Variants in UST observed in about 807,000 individuals in gnomAD.
UST encodes the protein chondroitin sulfate 2-O-sulfotransferase.
UST carries 21 observed loss-of-function variants against 45.6 expected under a neutral mutation model. The observed-to-expected ratio is 0.46, with a 90% CI of 0.33 to 0.66. The LOEUF is 0.66. Ranked by LOEUF, UST falls within the 30% of genes least tolerant of loss-of-function variation. The pLI, the probability that UST is intolerant of heterozygous loss-of-function variation, is 0.02. For missense variants in UST, 463 were observed against 512.4 expected, an observed-to-expected ratio of 0.90 and a Z score of 0.93; for synonymous variants, 215 against 200.6, an observed-to-expected ratio of 1.07 and a Z score of -0.61.
chr6:148,916,221 T>C (rs1163481006), intron 2 of UST, among the ~76,000 whole-genome samples: 1 of 152,218 alleles, frequency 6.6e-6, no homozygotes, highest in African/African-American at 2.4e-5. Context: ...GCGTTATTAC[T>C]AGCCATTTTA....
rs1778290965 is a variant in UST at position 148,860,526 on chromosome 6, C to T, written c.248-26460C>T. ...TGATTGCCCTGGCCAGAGCTTCCAA[C>T]ACTATGTTGAACAGGAGTGGTGAGA... On this transcript the variant is annotated intron_variant, in intron 1 of 7. Coordinates refer to ENST00000367463, the MANE Select transcript of UST (RefSeq NM_005715.3). Among the ~76,000 whole-genome samples, 6 of 152,306 alleles carry T rather than the reference C, an allele frequency of 3.9e-5. No homozygotes were observed. In the South Asian group the frequency reaches 1.2e-3, roughly 32 times the overall value.
chr6:148,770,287 A>T (rs948099469), intron 1 of UST, among the ~76,000 whole-genome samples: 1 of 151,298 alleles, frequency 6.6e-6, no homozygotes, highest in African/African-American at 2.4e-5. Context: ...TGAGCTGGGC[A>T]TTGAAGCATA....
chr6:148,825,179 G>C (rs867720826), intron 1 of UST, among the ~76,000 whole-genome samples: 25 of 152,148 alleles, frequency 1.6e-4, no homozygotes, highest in Admixed American at 1.6e-3. Context: ...TTGAGAGACA[G>C]GCAGTGGACA....
intron 1 of UST, among the ~76,000 whole-genome samples, chr6:148,755,565 G>A (rs1483573088): frequency 2.0e-5 from 3 of 151,752 alleles, no homozygotes; most frequent in Non-Finnish European, 4.4e-5. Flanking sequence ...GGAACCCTGT[G>A]GGAGGTAATT....
chr6:148,981,624 G>C (rs1186156109), intron 5 of UST, among the ~76,000 whole-genome samples: 3 of 152,176 alleles, frequency 2.0e-5, no homozygotes, highest in African/African-American at 7.2e-5. Context: ...CACACACACA[G>C]GGTCTGACAC....
In UST at chr6:149,074,129, G is replaced by C. The variant is rs1196679604; in HGVS notation, c.*13G>C. ...TTATAAGAGGTGATGTGACTGTGTT[G>C]CCTCTATGGCTTTATCTCCCTTTTC... is the stretch of plus-strand genomic sequence containing the variant. On this transcript the variant is annotated 3_prime_UTR_variant, in exon 8 of 8. Coordinates refer to ENST00000367463, the MANE Select transcript of UST (RefSeq NM_005715.3). 6.2e-7 allele frequency: 1 copy of C among 1,607,942 alleles called. No homozygotes were observed. The highest frequency in any genetic ancestry group is 1.3e-5 in the African/African-American group (1 of 74,688).
chr6:148,750,072 G>A (rs1775960485), intron 1 of UST, among the ~76,000 whole-genome samples: 1 of 152,124 alleles, frequency 6.6e-6, no homozygotes, highest in Non-Finnish European at 1.5e-5. Context: ...AACAAAACTT[G>A]TGGTTAGTAA....
At chr6:148,773,587 C>G (rs1415235841) in intron 1 of UST, among the ~76,000 whole-genome samples, 1 of 152,064 alleles carries the variant, frequency 6.6e-6, no homozygotes, top group African/African-American at 2.4e-5. Flanking sequence ...TTTCTATGCA[C>G]ACACAAAACT....
At chr6:148,881,695 C>T (rs2114836876) in intron 1 of UST, among the ~76,000 whole-genome samples, 1 of 152,266 alleles carries the variant, frequency 6.6e-6, no homozygotes, top group South Asian at 2.1e-4. Flanking sequence ...GCTGCCCTTC[C>T]ATCCCCACAA....
chr6:148,907,705 A>G (rs1339935166), intron 2 of UST, among the ~76,000 whole-genome samples: 4 of 152,174 alleles, frequency 2.6e-5, no homozygotes, highest in Non-Finnish European at 4.4e-5. Flanking sequence ...AAAATCCCCG[A>G]TGCAGAGAAC....
intron 2 of UST, among the ~76,000 whole-genome samples, chr6:148,920,013 G>T (rs1176233960): frequency 6.6e-6 from 1 of 152,238 alleles, no homozygotes; most frequent in African/African-American, 2.4e-5. Flanking sequence ...AAGAGGTTCA[G>T]AGAGAGCTGC....
At chr6:149,052,505 G>T (rs1309589950) in intron 7 of UST, among the ~76,000 whole-genome samples, 1 of 152,164 alleles carries the variant, frequency 6.6e-6, no homozygotes, top group African/African-American at 2.4e-5. Flanking sequence ...CTATGTTACT[G>T]AGCTGGTCGC....
At chr6:149,017,792 C>CCA (rs1362288398) in intron 5 of UST, among the ~76,000 whole-genome samples, 1 of 87,802 alleles carries the variant, frequency 1.1e-5, no homozygotes, top group African/African-American at 5.3e-5. Flanking sequence ...CAATGAATAT[C>CCA]CATATATACA....
chr6:149,042,708 T>C (rs1776332410), intron 7 of UST, among the ~76,000 whole-genome samples: 1 of 152,252 alleles, frequency 6.6e-6, no homozygotes, highest in African/African-American at 2.4e-5. Context: ...CCTACAACAC[T>C]AAGTGTGGCC....
chr6:149,021,217 T>C, intron 6 of UST, 107 bp from the exon 7 acceptor site: 1 of 1,271,536 alleles, frequency 7.9e-7, no homozygotes, highest in Non-Finnish European at 1.1e-6. Flanking sequence ...AAACAGGATT[T>C]GGACTTATGC....
At chr6:148,825,195 AGTGGGAGGGAT>A (rs1326244638) in intron 1 of UST, among the ~76,000 whole-genome samples, 1 of 152,134 alleles carries the variant, frequency 6.6e-6, no homozygotes, top group African/African-American at 2.4e-5. Context: ...GGACACCAAA[AGTGGGAGGGAT>A]GTGGGTTGGC....
intron 1 of UST, among the ~76,000 whole-genome samples, chr6:148,829,143 AT>A (rs1777632879): frequency 3.1e-5 from 1 of 32,184 alleles, no homozygotes; most frequent in East Asian, 1.4e-3. Context: ...AAGCCCTGGG[AT>A]GGATGGATGG....
chr6:149,072,918 A>G (rs1026847067), intron 7 of UST, among the ~76,000 whole-genome samples: 1 of 152,206 alleles, frequency 6.6e-6, no homozygotes, highest in African/African-American at 2.4e-5. Context: ...GTATAGACTC[A>G]TGAAAGGATT....
chr6:148,774,891 G>A (rs762569012), intron 1 of UST, among the ~76,000 whole-genome samples: 3 of 152,112 alleles, frequency 2.0e-5, no homozygotes, highest in African/African-American at 7.2e-5. Context: ...GGTGGCAGGC[G>A]CCTGTAATCC....
Sources: gnomAD v4.1 joint callset for allele counts (sites outside exome capture counted in the v4.1 genomes callset) on GRCh38, gnomAD v4.1.1 for gene constraint, MANE v1.5 for transcripts, NCBI Gene and HGNC (gene_info 2026-07-23, HGNC 2026-07-21) for gene names.